Variants in ANKS1B observed in about 807,000 individuals in gnomAD.
ANKS1B encodes ankyrin repeat and sterile alpha motif domain containing 1B.
Under a neutral mutation model 148.3 loss-of-function variants are expected in ANKS1B, and 36 were observed. That is an observed-to-expected ratio of 0.24 (90% CI 0.19 to 0.32). The LOEUF (loss-of-function observed/expected upper bound fraction) is 0.32. Ranked by LOEUF, ANKS1B falls within the 10% of genes least tolerant of loss-of-function variation. ANKS1B has a pLI of 1.00. For synonymous variants in ANKS1B, 542 were observed against 560.8 expected, an observed-to-expected ratio of 0.97 and a Z score of 0.47; for missense variants, 1,157 against 1,542.6, an observed-to-expected ratio of 0.75 and a Z score of 4.19.
intron 1 of ANKS1B, among the ~76,000 whole-genome samples, chr12:99,828,652 G>T (rs749772515): frequency 1.4e-4 from 22 of 152,196 alleles, no homozygotes; most frequent in Admixed American, 9.8e-4. Context: ...AAAAGATAAT[G>T]AATGTAAGAA....
intron 1 of ANKS1B, among the ~76,000 whole-genome samples, chr12:99,869,937 C>T (rs892959158): frequency 6.6e-6 from 1 of 151,618 alleles, no homozygotes; most frequent in Non-Finnish European, 1.5e-5. Context: ...TTTTTTCTTG[C>T]TTTTTTTATA....
At chr12:98,904,269 G>C (rs2099776008) in intron 17 of ANKS1B, among the ~76,000 whole-genome samples, 1 of 152,150 alleles carries the variant, frequency 6.6e-6, no homozygotes. Flanking sequence ...GAGGGCAAGA[G>C]TGAAACAGGA....
chr12:98,770,661 C>A (rs1056488383), intron 25 of ANKS1B, among the ~76,000 whole-genome samples: 4 of 151,848 alleles, frequency 2.6e-5, no homozygotes, highest in African/African-American at 9.7e-5. Flanking sequence ...CATTTTCAAT[C>A]TTTCTTTAAA....
At chr12:99,950,912 C>A (rs1055140074) in intron 1 of ANKS1B, among the ~76,000 whole-genome samples, 8 of 152,180 alleles carry the variant, frequency 5.3e-5, no homozygotes, top group African/African-American at 1.9e-4. Context: ...CCTCCAGAAG[C>A]TTTCTATGAA....
intron 8 of ANKS1B, among the ~76,000 whole-genome samples, chr12:99,674,034 T>G (rs1340013658): frequency 6.6e-6 from 1 of 151,502 alleles, no homozygotes; most frequent in African/African-American, 2.4e-5. Context: ...AATCAAAAAT[T>G]AAAACAACTA....
intron 1 of ANKS1B, among the ~76,000 whole-genome samples, chr12:99,875,397 G>A (rs953694162): frequency 6.6e-6 from 1 of 151,470 alleles, no homozygotes; most frequent in African/African-American, 2.4e-5. Flanking sequence ...GCTTTATCAA[G>A]CCACAAAAAT....
intron 12 of ANKS1B, among the ~76,000 whole-genome samples, chr12:99,283,810 T>G (rs760858390): frequency 6.6e-6 from 1 of 152,162 alleles, no homozygotes. Context: ...TTAGGAAGAC[T>G]AAAGAAAATG....
intron 1 of ANKS1B, among the ~76,000 whole-genome samples, chr12:99,929,537 A>G (rs939370113): frequency 2.0e-5 from 3 of 152,116 alleles, no homozygotes; most frequent in Admixed American, 1.3e-4. Flanking sequence ...TTTTGTTGCC[A>G]TTGCTTTTGG....
At chr12:99,812,511 CCACACACACACACACACACACA>C (rs10539640) in intron 2 of ANKS1B, among the ~76,000 whole-genome samples, 200 bp from the exon 3 acceptor site, 5 of 126,096 alleles carry the variant, frequency 4.0e-5, no homozygotes, top group Admixed American at 2.5e-4. Context: ...TCACCCCATG[CCACACACACACACACACACACA>C]CACACACACA....
At chr12:99,807,371 T>C (rs1002503607) in intron 3 of ANKS1B, among the ~76,000 whole-genome samples, 1 of 152,084 alleles carries the variant, frequency 6.6e-6, no homozygotes, top group African/African-American at 2.4e-5. Flanking sequence ...CAATGAGATT[T>C]TCCTAGAAAT....
At chr12:99,223,337 CA>C (rs1485218191) in intron 14 of ANKS1B, among the ~76,000 whole-genome samples, 1 of 152,168 alleles carries the variant, frequency 6.6e-6, no homozygotes, top group East Asian at 1.9e-4. Flanking sequence ...GATTCAAGCA[CA>C]TTACATTTTT....
At chr12:99,558,156 G>T (rs2097296903) in intron 9 of ANKS1B, among the ~76,000 whole-genome samples, 1 of 152,188 alleles carries the variant, frequency 6.6e-6, no homozygotes, top group Non-Finnish European at 1.5e-5. Flanking sequence ...GTGCAGTGGG[G>T]ATGCACACAC....
chr12:99,366,262 T>C (rs940272563), intron 12 of ANKS1B, among the ~76,000 whole-genome samples: 2 of 152,216 alleles, frequency 1.3e-5, no homozygotes, highest in Non-Finnish European at 2.9e-5. Flanking sequence ...TGTCCCTTTT[T>C]TATGGTTCCA....
At chr12:98,999,526 G>A (rs2099931718) in intron 17 of ANKS1B, among the ~76,000 whole-genome samples, 1 of 152,124 alleles carries the variant, frequency 6.6e-6, no homozygotes, top group Non-Finnish European at 1.5e-5. Context: ...GATACTTTAT[G>A]TTTTTGCAAA....
chr12:99,090,339 G>T (rs1343397934), intron 15 of ANKS1B, among the ~76,000 whole-genome samples: 1 of 152,198 alleles, frequency 6.6e-6, no homozygotes, highest in South Asian at 2.1e-4. Context: ...TGTAGAAAAT[G>T]TTAGGAAAAT....
intron 1 of ANKS1B, among the ~76,000 whole-genome samples, chr12:99,944,580 T>C (rs2095008774): frequency 6.6e-6 from 1 of 152,098 alleles, no homozygotes; most frequent in Non-Finnish European, 1.5e-5. Context: ...ACTTGTAATG[T>C]GGAGGAATGG....
chr12:98,965,453 A>C (rs1350691923), intron 17 of ANKS1B, among the ~76,000 whole-genome samples: 1 of 152,198 alleles, frequency 6.6e-6, no homozygotes, highest in Non-Finnish European at 1.5e-5. Flanking sequence ...TATTTATGCC[A>C]TAAATTTAAT....
At chr12:99,273,025 G>T (rs7958099) in intron 12 of ANKS1B, among the ~76,000 whole-genome samples, 48,858 of 152,006 alleles carry the variant, frequency 0.32, 9,402 homozygotes, top group African/African-American at 0.54. Context: ...TCTACAGATA[G>T]TTGCAATCAA....
At chr12:99,627,955 G>C (rs760105159) in intron 9 of ANKS1B, among the ~76,000 whole-genome samples, 13 of 152,242 alleles carry the variant, frequency 8.5e-5, no homozygotes, top group Middle Eastern at 3.4e-3. Flanking sequence ...ATTCCACAAA[G>C]AACGTACAGT....
Sources: gnomAD v4.1 joint callset for allele counts (sites outside exome capture counted in the v4.1 genomes callset) on GRCh38, gnomAD v4.1.1 for gene constraint, MANE v1.5 for transcripts, NCBI Gene and HGNC (gene_info 2026-07-23, HGNC 2026-07-21) for gene names.